Variants in GPAT3 observed in about 807,000 individuals in gnomAD.
The protein encoded by GPAT3 is glycerol-3-phosphate acyltransferase 3, also known as 1-AGP acyltransferase 9.
Under a neutral mutation model 58.8 loss-of-function variants are expected in GPAT3, and 53 were observed. That is an observed-to-expected ratio of 0.90 (90% CI 0.72 to 1.13). The LOEUF is 1.13. GPAT3 is among the 50% of genes most tolerant of loss of function. GPAT3 has a pLI of 0.00. For synonymous variants in GPAT3, 197 were observed against 187.4 expected (o/e 1.05, Z -0.42); for missense variants, 511 against 527.6 (o/e 0.97, Z 0.31).
intron 2 of GPAT3, among the ~76,000 whole-genome samples, chr4:83,557,391 A>G (rs911212852): frequency 3.9e-5 from 6 of 152,146 alleles, no homozygotes; most frequent in Non-Finnish European, 7.3e-5. Flanking sequence ...GGCAGACATC[A>G]CTAGTTGATG....
At chr4:83,591,693 T>G (rs1356286712) in intron 6 of GPAT3, among the ~76,000 whole-genome samples, 1 of 152,160 alleles carries the variant, frequency 6.6e-6, no homozygotes, top group East Asian at 1.9e-4. Flanking sequence ...TGTATTTATG[T>G]GGACACTTTC....
At chr4:83,540,261 A>C (rs1421088962) in intron 1 of GPAT3, among the ~76,000 whole-genome samples, 1 of 152,118 alleles carries the variant, frequency 6.6e-6, no homozygotes, top group Non-Finnish European at 1.5e-5. Flanking sequence ...AATTAGGTGG[A>C]AAGAGAACTT....
chr4:83,536,140 C>G lies in GPAT3; in HGVS notation c.-483C>G. 1.0e-6 allele frequency: 1 copy of G among 985,836 alleles called. No homozygotes were observed. Among genetic ancestry groups the G allele is most frequent in the Non-Finnish European group, 1.2e-6 (1 of 830,172 alleles). 61.1% of individuals were successfully genotyped at this position (985,836 alleles called of 1,614,324 possible). On this transcript the variant is annotated 5_prime_UTR_variant, in exon 1 of 12. Coordinates refer to ENST00000264409, the MANE Select transcript of GPAT3 (RefSeq NM_032717.5). ...AGCACAGCCCGCGGCCCGGTGCCAG[C>G]TCCGCCGGCGACCGGTGTGCCAAAG...
At position 83,598,162 on chromosome 4, in the gene GPAT3, C is replaced by A; in HGVS notation, c.1108C>A (p.Pro370Thr). The A allele has an allele frequency of 6.2e-7, 1 of 1,612,490 alleles. No homozygotes were observed. The highest frequency in any genetic ancestry group is 8.5e-7 in the Non-Finnish European group (1 of 1,179,458). Residue 370 changes from proline (P) to threonine (T), a missense_variant, in exon 10 of 12, where the codon CCC becomes ACC. Pro to Thr is a conservative substitution (Grantham distance 38, BLOSUM62 -1). Coordinates refer to ENST00000264409, the MANE Select transcript of GPAT3 (RefSeq NM_032717.5). ...WAIVCDVWYM[P>T]PMTREEGEDA... ...CATCGTCTGTGACGTGTGGTACATG[C>A]CCCCCATGACCAGAGAGGTATTCCT...
intron 2 of GPAT3, among the ~76,000 whole-genome samples, chr4:83,552,598 G>T (rs1371829909): frequency 6.6e-6 from 1 of 152,152 alleles, no homozygotes; most frequent in Non-Finnish European, 1.5e-5. Context: ...GAGGAGGCAG[G>T]TTCCTTAAGG....
rs768977955 is a variant in GPAT3 at position 83,582,117 on chromosome 4, T to TGAA, written c.479+297_479+299dup. Among the ~76,000 whole-genome samples the TGAA allele has an allele frequency of 4.0e-4, 60 of 151,760 alleles. 1 individual carries two copies. The East Asian group carries it at 6.2e-3, about 16-fold the overall frequency. ...CTTGAGGATGGAGAGAAAAGGGAAG[T>TGAA]GAAGAAGAAGAAGAGGAAGAGGAAG... is the stretch of plus-strand genomic sequence containing the variant. On this transcript the variant is annotated intron_variant, in intron 3 of 11. Transcript: ENST00000264409.
intron 2 of GPAT3, among the ~76,000 whole-genome samples, chr4:83,574,740 T>C (rs1015406504): frequency 3.4e-5 from 5 of 145,514 alleles, no homozygotes; most frequent in Admixed American, 2.8e-4. Flanking sequence ...ATTAACTTAT[T>C]AAAAATAATG....
In GPAT3 at chr4:83,598,130, G is replaced by T. The variant is rs757309048; in HGVS notation, c.1076G>T (p.Ser359Ile). ...AGCTACCTGCTTCGAATGATGACCA[G>T]CTGGGCCATCGTCTGTGACGTGTGG... ...MVSYLLRMMT[S>I]WAIVCDVWYM... The change falls in exon 10 of 12, where the codon AGC (serine) becomes ATC (isoleucine). Residue 359 changes from serine (S) to isoleucine (I), a missense_variant. Transcript: ENST00000264409. 2 of 1,613,634 alleles carry T rather than the reference G, an allele frequency of 1.2e-6. No homozygotes were observed. Among genetic ancestry groups the T allele is most frequent in the Non-Finnish European group, 8.5e-7 (1 of 1,179,860 alleles).
At chr4:83,576,237 G>T (rs1725809253) in intron 2 of GPAT3, among the ~76,000 whole-genome samples, 1 of 151,940 alleles carries the variant, frequency 6.6e-6, no homozygotes, top group Non-Finnish European at 1.5e-5. Context: ...CTCCTTAATG[G>T]ACTTTAGATT....
chr4:83,593,039 G>T (rs941782783), intron 6 of GPAT3, among the ~76,000 whole-genome samples: 4 of 150,654 alleles, frequency 2.7e-5, no homozygotes, highest in Admixed American at 2.0e-4. Context: ...GTTAATTTTT[G>T]TATTTTTAGT....
chr4:83,593,301 A>C (rs1726680447), intron 6 of GPAT3, among the ~76,000 whole-genome samples: 2 of 150,604 alleles, frequency 1.3e-5, no homozygotes, highest in Non-Finnish European at 2.9e-5. Flanking sequence ...AGTAGCTGGG[A>C]TTACAGGTGA....
intron 2 of GPAT3, among the ~76,000 whole-genome samples, chr4:83,547,428 A>ATT (rs1256039327): frequency 1.3e-5 from 2 of 150,962 alleles, no homozygotes; most frequent in African/African-American, 4.9e-5. Context: ...AATTTTTTGT[A>ATT]TTTTTAGTAG....
At chr4:83,580,208 T>C (rs1245951786) in intron 2 of GPAT3, among the ~76,000 whole-genome samples, 7 of 152,202 alleles carry the variant, frequency 4.6e-5, no homozygotes, top group African/African-American at 1.4e-4. Context: ...AAAAAATCAT[T>C]TAATTATTTT....
At chr4:83,570,692 C>T (rs922935556) in intron 2 of GPAT3, among the ~76,000 whole-genome samples, 1 of 152,102 alleles carries the variant, frequency 6.6e-6, no homozygotes, top group African/African-American at 2.4e-5. Flanking sequence ...AGGGTGGTCT[C>T]GAACTCCTGA....
chr4:83,597,405 C>T (rs3733329), intron 8 of GPAT3, 25 bp from the exon 9 acceptor site: 348,948 of 1,279,602 alleles, frequency 0.27, 50,321 homozygotes, highest in South Asian at 0.36. Context: ...AAAATATTCA[C>T]GCTCCTACCC....
chr4:83,550,234 T>C (rs1196760494), intron 2 of GPAT3, among the ~76,000 whole-genome samples: 2 of 152,112 alleles, frequency 1.3e-5, no homozygotes, highest in African/African-American at 4.8e-5. Flanking sequence ...GGTTTCACCA[T>C]GTTGCCCAGG....
At chr4:83,598,232 C>A in intron 10 of GPAT3, 53 bp downstream of exon 10, 5 of 1,577,032 alleles carry the variant, frequency 3.2e-6, no homozygotes, top group Non-Finnish European at 4.3e-6. Flanking sequence ...GAGATCTTCA[C>A]CTGAAAATCT....
intron 2 of GPAT3, among the ~76,000 whole-genome samples, chr4:83,556,931 A>G (rs780801036): frequency 5.3e-5 from 8 of 152,230 alleles, no homozygotes; most frequent in Non-Finnish European, 1.0e-4. Flanking sequence ...GCCCAAGATC[A>G]AGGCCCAGCT....
chr4:83,536,426 CGAG>C lies in GPAT3; in HGVS notation c.-190_-188del. Reference sequence around the variant, plus strand: ...CGGAGAAAGAGTTAACTGGCAGGGGCGAGGAGGAGCCCAGGGAGGAAGGAAGGA... The same window carrying C: ...CGGAGAAAGAGTTAACTGGCAGGGGCGAGGAGCCCAGGGAGGAAGGAAGGA... On this transcript the variant is annotated 5_prime_UTR_variant, in exon 1 of 12. Transcript: ENST00000264409. 7.2e-7 allele frequency: 1 copy of C among 1,379,860 alleles called. No homozygotes were observed. Among genetic ancestry groups the C allele is most frequent in the South Asian group, 1.8e-5 (1 of 56,876 alleles). 85.5% of individuals were successfully genotyped at this position (1,379,860 alleles called of 1,614,324 possible). A position where few individuals can be genotyped will look rare whatever the true frequency, so the allele number is the denominator to read the frequency against.
Sources: allele counts gnomAD v4.1 joint callset (sites outside exome capture counted in the v4.1 genomes callset), GRCh38; gene constraint gnomAD v4.1.1; transcripts MANE v1.5; gene names NCBI Gene and HGNC (gene_info 2026-07-23, HGNC 2026-07-21).